The following KHDRBS2 variants were observed in gnomAD, a reference collection of about 807,000 sequenced individuals.
KHDRBS2 encodes KH domain-containing, RNA-binding, signal transduction-associated protein 2.
Under a neutral mutation model 44.3 loss-of-function variants are expected in KHDRBS2, and 26 were observed. The observed-to-expected ratio is 0.59, with a 90% CI of 0.43 to 0.81. The LOEUF is 0.81. Among genes scored for constraint, KHDRBS2 ranks in the 40% least tolerant of loss-of-function variants. KHDRBS2 has a pLI of 0.00. For missense variants in KHDRBS2, 476 were observed against 433.1 expected (o/e 1.10, Z -0.88); for synonymous variants, 194 against 151.1 (o/e 1.28, Z -2.08).
chr6:62,223,644 C>T (rs939251555), intron 1 of KHDRBS2, among the ~76,000 whole-genome samples: 9 of 152,122 alleles, frequency 5.9e-5, no homozygotes, highest in Non-Finnish European at 1.2e-4. Context: ...TTTAACAGCA[C>T]CCAAGTCACA....
the KHDRBS2 span, among the ~76,000 whole-genome samples, chr6:61,544,909 A>G: frequency 1.3e-5 from 2 of 152,068 alleles, no homozygotes; most frequent in African/African-American, 4.8e-5. Flanking sequence ...GAAGGGGAAC[A>G]TCACACACTG....
At chr6:61,861,543 T>C (rs180763374) in intron 6 of KHDRBS2, among the ~76,000 whole-genome samples, 1 of 152,184 alleles carries the variant, frequency 6.6e-6, no homozygotes, top group Admixed American at 6.5e-5. Flanking sequence ...GTCTTATTTC[T>C]GCGTTCTCTA....
At chr6:62,140,286 G>A (rs897384653) in intron 2 of KHDRBS2, among the ~76,000 whole-genome samples, 7 of 152,194 alleles carry the variant, frequency 4.6e-5, no homozygotes, top group Non-Finnish European at 1.0e-4. Flanking sequence ...AACAAGAGAT[G>A]AGGCAGAAGA....
the KHDRBS2 span, among the ~76,000 whole-genome samples, chr6:61,592,448 G>A: frequency 6.6e-6 from 1 of 152,130 alleles, no homozygotes; most frequent in African/African-American, 2.4e-5. Context: ...ACAGGTAGCA[G>A]ACCTCAGAAA....
intron 4 of KHDRBS2, 56 bp from the exon 5 acceptor site, chr6:61,901,427 T>TG: frequency 1.5e-6 from 2 of 1,338,146 alleles, no homozygotes; most frequent in South Asian, 1.5e-5. Context: ...TTCTCAGAGT[T>TG]GGAAAAAAAA....
intron 2 of KHDRBS2, among the ~76,000 whole-genome samples, chr6:62,074,893 T>C (rs1302880134): frequency 6.6e-6 from 1 of 151,964 alleles, no homozygotes; most frequent in African/African-American, 2.4e-5. Context: ...ATGCAAACTA[T>C]GACAATTTTC....
intron 1 of KHDRBS2, among the ~76,000 whole-genome samples, chr6:62,280,856 T>C (rs553669175): frequency 6.6e-6 from 1 of 152,294 alleles, no homozygotes; most frequent in African/African-American, 2.4e-5. Flanking sequence ...GTCAAGGATA[T>C]GGATGGCAAG....
At chr6:62,237,437 T>A (rs1833882126) in intron 1 of KHDRBS2, among the ~76,000 whole-genome samples, 2 of 152,260 alleles carry the variant, frequency 1.3e-5, no homozygotes, top group South Asian at 4.1e-4. Context: ...CTAATCCTTA[T>A]CAGGATCCAA....
chr6:62,232,518 A>C (rs1833045281), intron 1 of KHDRBS2, among the ~76,000 whole-genome samples: 1 of 152,068 alleles, frequency 6.6e-6, no homozygotes, highest in South Asian at 2.1e-4. Context: ...CAATGGAAAA[A>C]AACCACCAAC....
At chr6:62,048,128 A>G in intron 2 of KHDRBS2, 134 bp from the exon 3 acceptor site, 1 of 583,490 alleles carries the variant, frequency 1.7e-6, no homozygotes, top group Non-Finnish European at 3.1e-6. Flanking sequence ...ACATACACAC[A>G]CACACACACA....
chr6:61,884,135 AC>A (rs1800586671), intron 6 of KHDRBS2, among the ~76,000 whole-genome samples: 1 of 152,180 alleles, frequency 6.6e-6, no homozygotes, highest in African/African-American at 2.4e-5. Flanking sequence ...CATTTATGGA[AC>A]TTTTAAGGAC....
chr6:61,966,597 T>C (rs1187392245), intron 4 of KHDRBS2, among the ~76,000 whole-genome samples: 1 of 152,010 alleles, frequency 6.6e-6, no homozygotes, highest in Admixed American at 6.6e-5. Context: ...AAATACAAAT[T>C]ACACAATATC....
chr6:61,607,979 T>G, the KHDRBS2 span, among the ~76,000 whole-genome samples: 19 of 152,302 alleles, frequency 1.2e-4, no homozygotes, highest in African/African-American at 4.6e-4. Flanking sequence ...TGAGACACCA[T>G]GCCCGGCCTA....
At chr6:61,903,557 G>T (rs1562407974) in intron 4 of KHDRBS2, among the ~76,000 whole-genome samples, 1 of 152,170 alleles carries the variant, frequency 6.6e-6, no homozygotes, top group Admixed American at 6.5e-5. Context: ...GGCTGGGGAA[G>T]AGAGAGAGGA....
the KHDRBS2 span, among the ~76,000 whole-genome samples, chr6:61,596,602 G>A: frequency 1.3e-5 from 2 of 151,914 alleles, no homozygotes; most frequent in Non-Finnish European, 2.9e-5. Flanking sequence ...GCTCTAAGTA[G>A]TTGTTAACTA....
intron 2 of KHDRBS2, among the ~76,000 whole-genome samples, chr6:62,151,557 T>C (rs1815195544): frequency 6.6e-6 from 1 of 152,136 alleles, no homozygotes. Flanking sequence ...CACAATTTAA[T>C]CTTCTCCAGG....
At chr6:61,955,849 T>C (rs1455483337) in intron 4 of KHDRBS2, among the ~76,000 whole-genome samples, 3 of 152,078 alleles carry the variant, frequency 2.0e-5, no homozygotes, top group Non-Finnish European at 4.4e-5. Context: ...GTCAGCACTA[T>C]AATTATCTCA....
chr6:61,903,167 T>G (rs975716891), intron 4 of KHDRBS2, among the ~76,000 whole-genome samples: 1 of 152,196 alleles, frequency 6.6e-6, no homozygotes, highest in Non-Finnish European at 1.5e-5. Context: ...AATCAGGAAA[T>G]ATAATGAATT....
chr6:61,799,061 T>C (rs1439694664), intron 6 of KHDRBS2, among the ~76,000 whole-genome samples: 1 of 152,038 alleles, frequency 6.6e-6, no homozygotes, highest in Non-Finnish European at 1.5e-5. Flanking sequence ...CCATAAGGCT[T>C]GCTATTCTTT....
Sources: allele counts gnomAD v4.1 joint callset (sites outside exome capture counted in the v4.1 genomes callset), GRCh38; gene constraint gnomAD v4.1.1; transcripts MANE v1.5; gene names NCBI Gene and HGNC (gene_info 2026-07-23, HGNC 2026-07-21).